The following CTNNA2 variants were observed in gnomAD, a reference collection of about 807,000 sequenced individuals.
The protein encoded by CTNNA2 is catenin alpha 2, also known as catenin alpha-2.
CTNNA2 carries 42 observed loss-of-function variants against 101.0 expected under a neutral mutation model. The ratio of observed to expected loss-of-function variants is 0.42; its 90% CI spans 0.32 to 0.54. The LOEUF (loss-of-function observed/expected upper bound fraction) is 0.54. Ranked by LOEUF, CTNNA2 falls within the 20% of genes least tolerant of loss-of-function variation. The probability of loss-of-function intolerance (pLI) is 0.14; values close to 1 mark genes in which losing one functional copy is unlikely to be tolerated. For synonymous variants in CTNNA2, 450 were observed against 456.4 expected, an observed-to-expected ratio of 0.99 and a Z score of 0.18; for missense variants, 871 against 1,223.1, an observed-to-expected ratio of 0.71 and a Z score of 4.29.
chr2:79,937,013 T>C lies in CTNNA2; in HGVS notation c.1056+27216T>C, dbSNP rs956262208. On this transcript the variant is annotated intron_variant, in intron 7 of 18. Coordinates refer to ENST00000402739, the MANE Select transcript of CTNNA2 (RefSeq NM_001282597.3). ...CATTGTTTTGTGATGAAATTACACA[T>C]AGAAAATAATGCCATTGACCTCCAG... 2.6e-5 allele frequency among the ~76,000 whole-genome samples: 4 copies of C among 152,184 alleles called. No individual in the cohort carries two copies. In the South Asian group the frequency reaches 8.3e-4, roughly 31 times the overall value.
chr2:79,439,528 A>C (rs1259537404), intron 4 of CTNNA2, among the ~76,000 whole-genome samples: 1 of 152,172 alleles, frequency 6.6e-6, no homozygotes, highest in Non-Finnish European at 1.5e-5. Context: ...ATATACTAAA[A>C]ACCAATGAAT....
At chr2:79,997,346 G>T (rs1692625592) in intron 7 of CTNNA2, among the ~76,000 whole-genome samples, 1 of 144,840 alleles carries the variant, frequency 6.9e-6, no homozygotes, top group South Asian at 2.2e-4. Flanking sequence ...GGAAGGAAAA[G>T]AAAAGGAAGG....
At chr2:80,249,948 A>G (rs1454949587) in intron 7 of CTNNA2, among the ~76,000 whole-genome samples, 2 of 151,500 alleles carry the variant, frequency 1.3e-5, no homozygotes, top group African/African-American at 4.9e-5. Context: ...TTTTTCTATT[A>G]TTTTCTGAAG....
At chr2:79,227,540 G>T (rs1451917902) in intron 2 of CTNNA2, among the ~76,000 whole-genome samples, 1 of 152,082 alleles carries the variant, frequency 6.6e-6, no homozygotes, top group Non-Finnish European at 1.5e-5. Context: ...CTGCAAGTTT[G>T]ATTCCAGACA....
chr2:79,413,971 A>C lies in CTNNA2; in HGVS notation c.-135+39958A>C, dbSNP rs1042403399. 7.4e-4 allele frequency among the ~76,000 whole-genome samples: 79 copies of C among 106,482 alleles called. 1 individual carries two copies. The South Asian group carries it at 0.023, about 32-fold the overall frequency. The allele number at this position is 106,482 out of a possible 152,430, so 69.9% of individuals were successfully genotyped here. A position where few individuals can be genotyped will look rare whatever the true frequency, so the allele number is the denominator to read the frequency against. On this transcript the variant is annotated intron_variant, in intron 4 of 21. Coordinates refer to the CTNNA2 transcript ENST00000466387. ...TATATATATATATATATATATATAT[A>C]TAAGCTTTTTAGTTTGATATAATTC... is the stretch of plus-strand genomic sequence containing the variant.
intron 2 of CTNNA2, among the ~76,000 whole-genome samples, chr2:79,269,083 T>G (rs745660824): frequency 2.6e-5 from 4 of 152,108 alleles, no homozygotes; most frequent in Non-Finnish European, 5.9e-5. Flanking sequence ...TAGAAATTGA[T>G]GCTGGACTGC....
chr2:79,522,833 A>G (rs1434725218), intron 1 of CTNNA2, among the ~76,000 whole-genome samples: 1 of 152,250 alleles, frequency 6.6e-6, no homozygotes, highest in Non-Finnish European at 1.5e-5. Flanking sequence ...GAGGTATCTC[A>G]AGAATCCAAT....
intron 7 of CTNNA2, among the ~76,000 whole-genome samples, chr2:79,964,826 G>C (rs1689917329): frequency 2.0e-5 from 3 of 152,122 alleles, no homozygotes. Flanking sequence ...AGAAAAGGTG[G>C]GAATTAGATG....
At chr2:80,553,785 T>C (rs927693483) in intron 11 of CTNNA2, among the ~76,000 whole-genome samples, 1 of 152,218 alleles carries the variant, frequency 6.6e-6, no homozygotes, top group Non-Finnish European at 1.5e-5. Flanking sequence ...GAGAAGCTTC[T>C]TTTAATCAAA....
chr2:79,764,574 C>T (rs1427633604), intron 3 of CTNNA2, among the ~76,000 whole-genome samples: 2 of 152,092 alleles, frequency 1.3e-5, no homozygotes, highest in South Asian at 4.2e-4. Context: ...AACAATTCAT[C>T]TGTAAGAAAC....
chr2:80,115,935 T>A (rs1475550107), intron 7 of CTNNA2, among the ~76,000 whole-genome samples: 1 of 152,216 alleles, frequency 6.6e-6, no homozygotes, highest in Non-Finnish European at 1.5e-5. Flanking sequence ...TCTACCCATA[T>A]GGACTGGAAA....
At chr2:79,424,786 G>A (rs776206910) in intron 4 of CTNNA2, among the ~76,000 whole-genome samples, 1 of 152,092 alleles carries the variant, frequency 6.6e-6, no homozygotes, top group East Asian at 1.9e-4. Flanking sequence ...GATATAAAAC[G>A]AATAATTTGA....
chr2:79,979,307 C>A (rs1691090823), intron 7 of CTNNA2, among the ~76,000 whole-genome samples: 1 of 152,072 alleles, frequency 6.6e-6, no homozygotes, highest in Admixed American at 6.6e-5. Context: ...TGCTTGAGCC[C>A]AGGAGTTTGA....
intron 2 of CTNNA2, among the ~76,000 whole-genome samples, chr2:79,726,142 A>G (rs985764369): frequency 5.3e-5 from 8 of 152,314 alleles, no homozygotes; most frequent in East Asian, 1.9e-4. Context: ...GTGTAATCCT[A>G]GTTATTAGAA....
chr2:80,631,367 T>TC (rs35884183), intron 18 of CTNNA2, among the ~76,000 whole-genome samples: 7,715 of 69,230 alleles, frequency 0.11, 201 homozygotes, highest in Middle Eastern at 0.14. Context: ...ACTAATTTTT[T>TC]TTTTTTTTTT....
At chr2:80,164,671 A>ACCTTT (rs1704541487) in intron 7 of CTNNA2, among the ~76,000 whole-genome samples, 2 of 137,914 alleles carry the variant, frequency 1.5e-5, no homozygotes, top group South Asian at 4.7e-4. Context: ...TTCCTTTCTT[A>ACCTTT]CCTTTCCTTT....
intron 7 of CTNNA2, among the ~76,000 whole-genome samples, chr2:80,264,384 A>T (rs1207139928): frequency 2.0e-5 from 3 of 152,182 alleles, no homozygotes; most frequent in Admixed American, 1.3e-4. Context: ...AACAGTATCA[A>T]TATTTGTGTC....
At chr2:80,506,778 G>C (rs1043061429) in intron 9 of CTNNA2, among the ~76,000 whole-genome samples, 3 of 152,156 alleles carry the variant, frequency 2.0e-5, no homozygotes, top group Non-Finnish European at 4.4e-5. Context: ...ATGGACAAGA[G>C]TTAAAGCACA....
chr2:79,795,294 C>T (rs182923859), intron 3 of CTNNA2, among the ~76,000 whole-genome samples: 9 of 151,928 alleles, frequency 5.9e-5, no homozygotes, highest in East Asian at 3.9e-4. Flanking sequence ...AAGATTCTTA[C>T]GTAATTTGTG....
Sources: gnomAD v4.1 joint callset for allele counts (sites outside exome capture counted in the v4.1 genomes callset) on GRCh38, gnomAD v4.1.1 for gene constraint, MANE v1.5 for transcripts, NCBI Gene and HGNC (gene_info 2026-07-23, HGNC 2026-07-21) for gene names.